Variants in CHODL observed in about 807,000 individuals in gnomAD.
CHODL encodes the protein chondrolectin, also known as transmembrane protein MT75.
In CHODL, 29 loss-of-function variants were observed where a neutral mutation model predicts 34.5. That is an observed-to-expected ratio of 0.84 (90% CI 0.63 to 1.15). The LOEUF is 1.15. Ranked by LOEUF, CHODL falls within the 50% of genes most tolerant of loss-of-function variation. The probability of loss-of-function intolerance (pLI) is 0.00; values close to 1 mark genes in which losing one functional copy is unlikely to be tolerated. For synonymous variants in CHODL, 125 were observed against 116.1 expected (o/e 1.08, Z -0.49); for missense variants, 332 against 332.5 (o/e 1.00, Z 0.01).
intron 2 of CHODL, among the ~76,000 whole-genome samples, chr21:18,075,985 T>G (rs2064861054): frequency 6.6e-6 from 1 of 152,182 alleles, no homozygotes; most frequent in Admixed American, 6.5e-5. Context: ...TCCCAGACAC[T>G]GAATCTGGAA....
At position 17,922,224 on chromosome 21, in the gene CHODL, C is replaced by T. The variant is rs146254065; in HGVS notation, c.-145+4824C>T. ...TTATGGCTCTAAAAAAAAAAAAACA[C>T]TGTACCTCAGAACAACCCAACAGAT... is the stretch of plus-strand genomic sequence containing the variant. On this transcript the variant is annotated intron_variant, in intron 1 of 6. Coordinates refer to the CHODL transcript ENST00000400127. 7.9e-3 allele frequency among the ~76,000 whole-genome samples: 1,202 copies of T among 151,622 alleles called. 18 individuals carry two copies. Among genetic ancestry groups the T allele is most frequent in the African/African-American group, 0.027 (1,112 of 41,322 alleles).
intron 2 of CHODL, among the ~76,000 whole-genome samples, chr21:18,128,639 TA>T (rs1010906201): frequency 3.3e-5 from 5 of 152,194 alleles, no homozygotes; most frequent in African/African-American, 1.2e-4. Context: ...AAATGATCAA[TA>T]AAATGTGTAA....
At chr21:18,142,268 G>A (rs1473368321) in intron 2 of CHODL, among the ~76,000 whole-genome samples, 1 of 152,064 alleles carries the variant, frequency 6.6e-6, no homozygotes, top group East Asian at 1.9e-4. Context: ...TGAGAAAAAT[G>A]TTCTCTTCTG....
chr21:18,073,912 TA>T (rs770877078), intron 2 of CHODL, among the ~76,000 whole-genome samples: 1 of 152,116 alleles, frequency 6.6e-6, no homozygotes, highest in South Asian at 2.1e-4. Flanking sequence ...ACTTTATTTT[TA>T]AAAAACAGTT....
intron 2 of CHODL, among the ~76,000 whole-genome samples, chr21:18,197,142 A>G (rs183182653): frequency 2.7e-4 from 41 of 152,282 alleles, no homozygotes; most frequent in East Asian, 9.6e-4. Context: ...TTGCACCTCA[A>G]TAAAGGTGAA....
intron 2 of CHODL, among the ~76,000 whole-genome samples, chr21:18,090,623 C>G (rs2065060836): frequency 6.7e-6 from 1 of 148,884 alleles, no homozygotes; most frequent in South Asian, 2.1e-4. Context: ...AGGAAGTCTG[C>G]CACAGAGAGA....
chr21:18,195,028 A>ATTATTTATTTAT lies in CHODL; in HGVS notation c.-44-61450_-44-61439dup, dbSNP rs56855621. On this transcript the variant is annotated intron_variant, in intron 2 of 6. Transcript: ENST00000400127. ...CAATACATTGTTATTAATACAATAC[A>ATTATTTATTTAT]TTATTTATTTATTTATTTATTTATT... Among the ~76,000 whole-genome samples the ATTATTTATTTAT allele has an allele frequency of 9.7e-4, 140 of 144,070 alleles. 1 individual carries two copies. Among genetic ancestry groups the ATTATTTATTTAT allele is most frequent in the African/African-American group, 2.6e-3 (102 of 38,560 alleles). The allele number at this position is 144,070 out of a possible 152,430, so 94.5% of individuals were successfully genotyped here.
chr21:17,979,678 T>A (rs2063698455), intron 1 of CHODL, among the ~76,000 whole-genome samples: 1 of 152,230 alleles, frequency 6.6e-6, no homozygotes, highest in South Asian at 2.1e-4. Context: ...AGTAATGAGT[T>A]ACAAATGGAA....
intron 2 of CHODL, among the ~76,000 whole-genome samples, chr21:18,048,391 T>C (rs2064471171): frequency 6.6e-6 from 1 of 151,872 alleles, no homozygotes; most frequent in Non-Finnish European, 1.5e-5. Context: ...GCAATTTGGG[T>C]GGAATTAAAA....
In CHODL at chr21:18,245,955, C is replaced by A. The variant is rs759935109; in HGVS notation, c.79+653C>A. On this transcript the variant is annotated intron_variant, in intron 1 of 5. Coordinates refer to ENST00000299295, the MANE Select transcript of CHODL (RefSeq NM_024944.3). ...GCCGAGGTATACTTGGTAATGACTG[C>A]AGGTTCGGCACACAGTAGGTGCACA... 3.1e-5 allele frequency: 48 copies of A among 1,534,482 alleles called. 1 individual carries two copies. Among genetic ancestry groups the A allele is most frequent in the Middle Eastern group, 3.3e-4 (2 of 5,984 alleles).
chr21:18,189,996 T>A (rs2073492215), intron 2 of CHODL, among the ~76,000 whole-genome samples: 1 of 152,178 alleles, frequency 6.6e-6, no homozygotes. Context: ...CCAATAATAA[T>A]TTTTTTCTTC....
chr21:17,964,627 G>A (rs2063557699), intron 1 of CHODL, among the ~76,000 whole-genome samples: 1 of 152,158 alleles, frequency 6.6e-6, no homozygotes, highest in South Asian at 2.1e-4. Flanking sequence ...TTTCTAACAG[G>A]TTAAGGATTA....
At chr21:17,953,457 A>G (rs1176023344) in intron 1 of CHODL, among the ~76,000 whole-genome samples, 1 of 152,100 alleles carries the variant, frequency 6.6e-6, no homozygotes, top group Non-Finnish European at 1.5e-5. Context: ...ACAGAATGAG[A>G]TTCTGTCTCT....
chr21:17,984,002 C>G (rs1383407201), intron 1 of CHODL, among the ~76,000 whole-genome samples: 1 of 152,042 alleles, frequency 6.6e-6, no homozygotes, highest in African/African-American at 2.4e-5. Context: ...ACTGTGGGTA[C>G]TATGTTGTAG....
chr21:18,110,711 T>G (rs1289290491), intron 2 of CHODL, among the ~76,000 whole-genome samples: 1 of 152,214 alleles, frequency 6.6e-6, no homozygotes, highest in Non-Finnish European at 1.5e-5. Context: ...CAAAAGCATT[T>G]GGAAAAACTT....
chr21:17,946,672 T>C (rs956836941), intron 1 of CHODL, among the ~76,000 whole-genome samples: 22 of 152,306 alleles, frequency 1.4e-4, no homozygotes, highest in African/African-American at 5.1e-4. Flanking sequence ...TCTTCTTTGT[T>C]TCTTTTAATG....
chr21:18,012,868 T>A (rs1296851755), intron 1 of CHODL, among the ~76,000 whole-genome samples: 1 of 152,190 alleles, frequency 6.6e-6, no homozygotes, highest in Non-Finnish European at 1.5e-5. Context: ...TTGTTTAATC[T>A]TAATTACATA....
chr21:18,038,321 CA>C (rs1480537307), intron 2 of CHODL, among the ~76,000 whole-genome samples: 6 of 151,476 alleles, frequency 4.0e-5, no homozygotes, highest in African/African-American at 1.5e-4. Context: ...GTAAATCAAA[CA>C]AAAGTAGACA....
intron 1 of CHODL, among the ~76,000 whole-genome samples, chr21:17,991,289 A>G (rs976411719): frequency 3.3e-5 from 5 of 152,104 alleles, no homozygotes; most frequent in African/African-American, 9.7e-5. Flanking sequence ...TATCTTTGAT[A>G]TACTGATTTC....
Sources: allele counts gnomAD v4.1 joint callset (sites outside exome capture counted in the v4.1 genomes callset), GRCh38; gene constraint gnomAD v4.1.1; transcripts MANE v1.5; gene names NCBI Gene and HGNC (gene_info 2026-07-23, HGNC 2026-07-21).